THAP5: variants seen among roughly 807,000 people sequenced by gnomAD.
THAP5 encodes THAP domain-containing protein 5.
In THAP5, 26 loss-of-function variants were observed where a neutral mutation model predicts 34.0. That is an observed-to-expected ratio of 0.77 (90% confidence interval 0.56 to 1.06). The LOEUF is 1.06. Ranked by LOEUF, THAP5 falls within the 50% of genes least tolerant of loss-of-function variation. The pLI is 0.00. For missense variants in THAP5, 394 were observed against 452.8 expected, an observed-to-expected ratio of 0.87 and a Z score of 1.18; for synonymous variants, 125 against 153.0, an observed-to-expected ratio of 0.82 and a Z score of 1.35.
downstream of THAP5, among the ~76,000 whole-genome samples, chr7:108,552,834 A>G (rs548638672): frequency 6.6e-6 from 1 of 152,122 alleles, no homozygotes; most frequent in Non-Finnish European, 1.5e-5. Flanking sequence ...CCGTTGTTAT[A>G]GTAGGATATG....
the THAP5 span, among the ~76,000 whole-genome samples, chr7:108,549,418 C>A: frequency 6.6e-6 from 1 of 152,268 alleles, no homozygotes; most frequent in South Asian, 2.1e-4. Flanking sequence ...CTGCATCTGA[C>A]CTATATTTTT....
At chr7:108,559,497 C>A (rs570379843), downstream of THAP5, among the ~76,000 whole-genome samples, 1 of 152,128 alleles carries the variant, frequency 6.6e-6, no homozygotes, top group South Asian at 2.1e-4. Context: ...AACCTTGGAA[C>A]CAAACAACTG....
chr7:108,565,611 A>C, intron 2 of THAP5: 1 of 370,198 alleles, frequency 2.7e-6, no homozygotes, highest in Admixed American at 4.2e-5. Flanking sequence ...ACTTGTGTTA[A>C]TAACTTAATA....
chr7:108,558,381 G>GTGTATATATATATATATA (rs1321603472), downstream of THAP5, among the ~76,000 whole-genome samples: 1 of 93,824 alleles, frequency 1.1e-5, no homozygotes, highest in Non-Finnish European at 2.2e-5. Context: ...GTGTGTGTAT[G>GTGTATATATATATATATA]TATATATATA....
downstream of THAP5, among the ~76,000 whole-genome samples, chr7:108,550,982 C>G (rs1375207749): frequency 6.6e-6 from 1 of 152,124 alleles, no homozygotes; most frequent in African/African-American, 2.4e-5. Flanking sequence ...CTTTAATCTT[C>G]TAACTCTCCT....
chr7:108,556,939 G>A (rs1002864495), intron 1 of THAP5, among the ~76,000 whole-genome samples: 1 of 152,240 alleles, frequency 6.6e-6, no homozygotes, highest in East Asian at 1.9e-4. Flanking sequence ...AAATCTAGGT[G>A]GAGGCTTCCA....
chr7:108,554,618 A>G (rs1310105127), exon 2 of THAP5: 1 of 152,238 alleles, frequency 6.6e-6, no homozygotes, highest in Non-Finnish European at 1.5e-5. Context: ...AGAAATGACT[A>G]TGGTAAGCAA....
In THAP5 at chr7:108,569,548, T is replaced by A. The variant is rs1228776228; in HGVS notation, c.22A>T (p.Ile8Phe). Reference sequence around the variant, plus strand: ...CGTCCCCGGCGGTTCTTACAACAAATCGCTGCGCAATAGCGGGGCATGACT... The same window carrying A: ...CGTCCCCGGCGGTTCTTACAACAAAACGCTGCGCAATAGCGGGGCATGACT... Reference protein sequence around the residue: MPRYCAAICCKNRRGRNN... With the variant: MPRYCAAFCCKNRRGRNN... Residue 8 changes from isoleucine (I) to phenylalanine (F), a missense_variant, in exon 1 of 3, where the codon ATT becomes TTT. Transcript: ENST00000415914. 6.4e-7 allele frequency: 1 copy of A among 1,551,708 alleles called. No homozygotes were observed. The highest frequency in any genetic ancestry group is 8.7e-7 in the Non-Finnish European group (1 of 1,147,006).
downstream of THAP5, among the ~76,000 whole-genome samples, chr7:108,558,436 C>T (rs955301207): frequency 7.9e-6 from 1 of 126,212 alleles, no homozygotes; most frequent in South Asian, 2.3e-4. Context: ...CTTGCTCTGT[C>T]ACCCAGGCTG....
chr7:108,563,628 CAAAGACCACAGAATTCAAT>C lies in THAP5; in HGVS notation c.*544_*562del, dbSNP rs961008322. The stretch of plus-strand genomic sequence containing the variant: ...TAATATGTAACTATAGCCAAAAGGT[CAAAGACCACAGAATTCAAT>C]AAATACTGAAAATAATACATGGTTA... On this transcript the variant is annotated 3_prime_UTR_variant, in exon 3 of 3. Coordinates refer to ENST00000415914, the MANE Select transcript of THAP5 (RefSeq NM_001130475.3). 5 of 148,558 alleles carry C rather than the reference CAAAGACCACAGAATTCAAT, an allele frequency of 3.4e-5. No homozygotes were observed. Among genetic ancestry groups the C allele is most frequent in the Non-Finnish European group, 7.4e-5 (5 of 67,482 alleles). The allele number at this position is 148,558 out of a possible 1,614,324, so 9.2% of individuals were successfully genotyped here.
rs1023289099 is a variant in THAP5, at chr7:108,569,622, C to T, written c.-53G>A. 2.6e-6 allele frequency: 4 copies of T among 1,545,096 alleles called. No individual in the cohort carries two copies. Among genetic ancestry groups the T allele is most frequent in the Middle Eastern group, 2.1e-4 (1 of 4,702 alleles). On this transcript the variant is annotated 5_prime_UTR_variant, in exon 1 of 3. Coordinates refer to ENST00000415914, the MANE Select transcript of THAP5 (RefSeq NM_001130475.3). ...GGCCGGCGACGGATGCAGGGCGGCC[C>T]TCCTCACTGAGGATGCGCCACAGGT...
rs111919226 is a variant in THAP5 at position 108,555,230 on chromosome 7, T to C, written n.109-371A>G. Among the ~76,000 whole-genome samples the C allele has an allele frequency of 1.8e-3, 275 of 151,984 alleles. 2 individuals carry two copies. Among genetic ancestry groups the C allele is most frequent in the African/African-American group, 6.3e-3 (263 of 41,436 alleles). ...GCCCTGGGGGAGTGCAATGGTGCAA[T>C]CTTGGCTCACTGAAACCTCTGCCTC... On this transcript the variant is annotated intron_variant and non_coding_transcript_variant, in intron 1 of 1. Transcript: ENST00000468884.
At chr7:108,552,657 A>G (rs1378693482), downstream of THAP5, among the ~76,000 whole-genome samples, 2 of 152,130 alleles carry the variant, frequency 1.3e-5, no homozygotes, top group East Asian at 3.9e-4. Context: ...AAAATTAGCC[A>G]GGTGTTGTGA....
chr7:108,548,386 CAAGTA>C, the THAP5 span, among the ~76,000 whole-genome samples: 9 of 151,948 alleles, frequency 5.9e-5, no homozygotes, highest in East Asian at 1.9e-4. Flanking sequence ...GATAAAAAAA[CAAGTA>C]AAGAAGCAAT....
chr7:108,556,897 C>G (rs1369267572), intron 1 of THAP5, among the ~76,000 whole-genome samples: 1 of 152,242 alleles, frequency 6.6e-6, no homozygotes, highest in African/African-American at 2.4e-5. Flanking sequence ...AGACTTCTGC[C>G]TGGACATCCA....
In THAP5 at chr7:108,569,689, G is replaced by C. The variant is rs942937040; in HGVS notation, c.-120C>G. On this transcript the variant is annotated 5_prime_UTR_variant, in exon 1 of 3. Transcript: ENST00000415914. The stretch of plus-strand genomic sequence containing the variant: ...CCTGCGCCTGCGCTAGCATTCTGCC[G>C]GGAAAGCCGCCTCGTCTGTCGACTC... 3.7e-6 allele frequency: 5 copies of C among 1,336,224 alleles called. No homozygotes were observed. Among genetic ancestry groups the C allele is most frequent in the East Asian group, 2.5e-5 (1 of 39,674 alleles). 82.8% of individuals were successfully genotyped at this position (1,336,224 alleles called of 1,614,324 possible).
chr7:108,564,831 G>T lies in THAP5; in HGVS notation c.548C>A (p.Ser183Ter). 6.2e-7 allele frequency: 1 copy of T among 1,613,072 alleles called. No homozygotes were observed. Among genetic ancestry groups the T allele is most frequent in the Non-Finnish European group, 8.5e-7 (1 of 1,179,382 alleles). The change falls in exon 3 of 3, where the codon TCA becomes TAA. Residue 183 changes from serine to a stop codon, truncating the protein, a stop_gained. Coordinates refer to ENST00000415914, the MANE Select transcript of THAP5 (RefSeq NM_001130475.3). LOFTEE classifies it high-confidence loss of function. ...TGKPESTLET[S>*]VNQDTGRGGF... ...ACCTCTACCTGTATCTTGGTTAACT[G>T]ATGTTTCCAAGGTAGATTCTGGTTT... is the stretch of plus-strand genomic sequence containing the variant.
chr7:108,557,408 A>T (rs918936091), downstream of THAP5, among the ~76,000 whole-genome samples: 1 of 152,236 alleles, frequency 6.6e-6, no homozygotes, highest in Non-Finnish European at 1.5e-5. Context: ...GCATATAAGT[A>T]TATGCTGTTA....
chr7:108,565,665 A>T (rs1790470695), intron 2 of THAP5, 165 bp downstream of exon 2: 2 of 506,920 alleles, frequency 3.9e-6, no homozygotes, highest in Admixed American at 3.8e-5. Context: ...CATGAGTTTA[A>T]TTTTTTTTAA....
Sources: gnomAD v4.1 joint callset for allele counts (sites outside exome capture counted in the v4.1 genomes callset) on GRCh38, gnomAD v4.1.1 for gene constraint, MANE v1.5 for transcripts, NCBI Gene and HGNC (gene_info 2026-07-23, HGNC 2026-07-21) for gene names.